Variants in SPATA13 observed in about 807,000 individuals in gnomAD.
SPATA13 encodes the protein spermatogenesis-associated protein 13.
Under a neutral mutation model 104.0 loss-of-function variants are expected in SPATA13, and 50 were observed. That is an observed-to-expected ratio of 0.48 (90% CI 0.38 to 0.61). SPATA13 has a LOEUF of 0.61. Among genes scored for constraint, SPATA13 ranks in the 20% least tolerant of loss-of-function variants. The pLI is 0.00. For synonymous variants in SPATA13, 606 were observed against 667.5 expected, an observed-to-expected ratio of 0.91 and a Z score of 1.42; for missense variants, 1,524 against 1,690.6, an observed-to-expected ratio of 0.90 and a Z score of 1.73.
intron 3 of SPATA13, among the ~76,000 whole-genome samples, chr13:24,149,013 C>T (rs997418678): frequency 8.5e-5 from 13 of 152,126 alleles, no homozygotes; most frequent in Admixed American, 8.5e-4. Context: ...ATGTAGGCTC[C>T]GTCCACAAAC....
intron 3 of SPATA13, among the ~76,000 whole-genome samples, chr13:24,119,758 T>C (rs761698158): frequency 7.9e-5 from 12 of 152,302 alleles, no homozygotes; most frequent in Non-Finnish European, 1.8e-4. Context: ...ATTCCTGCAG[T>C]AGCTGCCAAG....
upstream of SPATA13, among the ~76,000 whole-genome samples, chr13:24,156,547 A>G (rs1428405492): frequency 6.6e-6 from 1 of 152,148 alleles, no homozygotes; most frequent in Non-Finnish European, 1.5e-5. Flanking sequence ...CCAAATAGAT[A>G]CTTATGTGCT....
At chr13:24,234,455 A>G (rs1219187930) in intron 2 of SPATA13, among the ~76,000 whole-genome samples, 1 of 152,120 alleles carries the variant, frequency 6.6e-6, no homozygotes, top group African/African-American at 2.4e-5. Context: ...CTTCTCTATA[A>G]CAATTAAGAT....
intron 2 of SPATA13, among the ~76,000 whole-genome samples, chr13:24,008,308 C>T (rs1473351944): frequency 6.6e-6 from 1 of 152,226 alleles, no homozygotes; most frequent in African/African-American, 2.4e-5. Flanking sequence ...GCTCTTCTTT[C>T]AGTTTTCCTT....
intron 2 of SPATA13, among the ~76,000 whole-genome samples, chr13:24,248,883 CTTT>C (rs57863513): frequency 1.4e-5 from 2 of 144,112 alleles, no homozygotes; most frequent in African/African-American, 2.6e-5. Context: ...TGCTGATTTT[CTTT>C]TTTTTTTTTT....
Position 24,076,572 on chromosome 13 carries a change from CGGGA to C in SPATA13, c.-112+58872_-112+58875del, listed in dbSNP as rs1566094462. Reference sequence around the variant, plus strand: ...TGAATATGAACGAAGCAGCAGACCCCGGGACAGGAAACCAGGCCACTGAGGGTCT... The same window carrying C: ...TGAATATGAACGAAGCAGCAGACCCCCAGGAAACCAGGCCACTGAGGGTCT... On this transcript the variant is annotated intron_variant, in intron 3 of 14. Transcript: ENST00000424834. Among the ~76,000 whole-genome samples, 198 of 152,002 alleles carry C rather than the reference CGGGA, an allele frequency of 1.3e-3. 2 individuals are homozygous for C. Among genetic ancestry groups the C allele is most frequent in the African/African-American group, 4.6e-3 (192 of 41,466 alleles).
chr13:24,173,401 TGG>T (rs1883075584), intron 1 of SPATA13, among the ~76,000 whole-genome samples: 1 of 142,760 alleles, frequency 7.0e-6, no homozygotes, highest in African/African-American at 2.6e-5. Flanking sequence ...TGTGTGTGTG[TGG>T]TAGATTTCTT....
intron 2 of SPATA13, among the ~76,000 whole-genome samples, chr13:24,006,428 G>A (rs1387972819): frequency 6.6e-6 from 1 of 152,294 alleles, no homozygotes; most frequent in Non-Finnish European, 1.5e-5. Context: ...GTCAGACAAC[G>A]ACAAGACAAA....
intron 4 of SPATA13, among the ~76,000 whole-genome samples, chr13:24,253,562 G>A (rs182618522): frequency 3.3e-5 from 5 of 152,316 alleles, no homozygotes; most frequent in East Asian, 1.9e-4. Context: ...AGAATAAAAC[G>A]TCATGCAAAG....
chr13:24,102,250 A>G (rs1226555133), intron 3 of SPATA13, among the ~76,000 whole-genome samples: 1 of 152,114 alleles, frequency 6.6e-6, no homozygotes, highest in Non-Finnish European at 1.5e-5. Context: ...ACATCTTTCC[A>G]TGTGCCTATT....
intron 10 of SPATA13, among the ~76,000 whole-genome samples, chr13:24,296,189 T>C (rs76291332): frequency 0.017 from 2,624 of 152,318 alleles, 65 homozygotes; most frequent in African/African-American, 0.06. Context: ...TATAGACTTC[T>C]GGAGTTTGGG....
At chr13:24,249,061 G>T (rs1211161801) in intron 2 of SPATA13, among the ~76,000 whole-genome samples, 1 of 152,038 alleles carries the variant, frequency 6.6e-6, no homozygotes, top group Non-Finnish European at 1.5e-5. Context: ...GTAGAGATGG[G>T]GTTTCTGCAT....
chr13:24,231,602 C>A (rs747881719), intron 2 of SPATA13, among the ~76,000 whole-genome samples: 13 of 152,322 alleles, frequency 8.5e-5, no homozygotes, highest in East Asian at 1.9e-4. Flanking sequence ...TGCTTCCTTT[C>A]TCTTGGGTGG....
chr13:24,207,555 C>T (rs1174604272), intron 1 of SPATA13, among the ~76,000 whole-genome samples: 3 of 80,998 alleles, frequency 3.7e-5, no homozygotes, highest in East Asian at 1.1e-3. Context: ...ACAGTACACC[C>T]GGGTTCGTTT....
intron 2 of SPATA13, among the ~76,000 whole-genome samples, chr13:24,240,926 CA>C (rs1872801590): frequency 6.6e-6 from 1 of 152,148 alleles, no homozygotes; most frequent in Non-Finnish European, 1.5e-5. Flanking sequence ...AACAAATGAC[CA>C]AACTGCTTCC....
At chr13:24,004,058 G>C (rs1876106542) in intron 2 of SPATA13, among the ~76,000 whole-genome samples, 1 of 152,116 alleles carries the variant, frequency 6.6e-6, no homozygotes, top group South Asian at 2.1e-4. Flanking sequence ...AGTTCCTGGT[G>C]GGCACTCCTG....
rs538939480 is a variant in SPATA13 at position 24,237,864 on chromosome 13, A to G, written c.1654-11613A>G. 5.2e-4 allele frequency among the ~76,000 whole-genome samples: 63 copies of G among 120,290 alleles called. 1 individual carries two copies. The South Asian group carries it at 5.4e-3, about 10-fold the overall frequency. The allele number at this position is 120,290 out of a possible 152,430, so 78.9% of individuals were successfully genotyped here. Reference sequence around the variant, plus strand: ...TGTATATATAAAATATATCACATATATTATATAATATATATCATTTATAAT... The same window carrying G: ...TGTATATATAAAATATATCACATATGTTATATAATATATATCATTTATAAT... On this transcript the variant is annotated intron_variant, in intron 2 of 12. Transcript: ENST00000382108.
intron 3 of SPATA13, among the ~76,000 whole-genome samples, chr13:24,038,131 T>C (rs1877779884): frequency 6.6e-6 from 1 of 152,076 alleles, no homozygotes; most frequent in African/African-American, 2.4e-5. Context: ...GCCAGGATGG[T>C]CTCGATCTCC....
At chr13:24,010,627 C>G (rs953023337) in intron 2 of SPATA13, among the ~76,000 whole-genome samples, 3 of 152,048 alleles carry the variant, frequency 2.0e-5, no homozygotes, top group Admixed American at 2.0e-4. Flanking sequence ...GCTCCTCCAC[C>G]TGTGGCCTGA....
Sources: allele counts gnomAD v4.1 joint callset (sites outside exome capture counted in the v4.1 genomes callset), GRCh38; gene constraint gnomAD v4.1.1; transcripts MANE v1.5; gene names NCBI Gene and HGNC (gene_info 2026-07-23, HGNC 2026-07-21).